Variants in NOS1AP observed in about 807,000 individuals in gnomAD.
NOS1AP encodes the protein nitric oxide synthase 1 adaptor protein, also known as carboxyl-terminal PDZ ligand of neuronal nitric oxide synthase protein.
NOS1AP carries 21 observed loss-of-function variants against 56.2 expected under a neutral mutation model. The ratio of observed to expected loss-of-function variants is 0.37; its 90% CI spans 0.26 to 0.54. The LOEUF (loss-of-function observed/expected upper bound fraction) is 0.54, where lower values mean the gene tolerates loss of function less well. Among genes scored for constraint, NOS1AP ranks in the 20% least tolerant of loss-of-function variants. The probability of loss-of-function intolerance (pLI) is 0.84; values close to 1 mark genes in which losing one functional copy is unlikely to be tolerated. For missense variants in NOS1AP, 522 were observed against 657.8 expected (o/e 0.79, Z 2.26); for synonymous variants, 270 against 274.6 (o/e 0.98, Z 0.17).
chr1:162,343,956 G>A lies in NOS1AP; in HGVS notation c.575G>A (p.Ser192Asn). The A allele has an allele frequency of 1.2e-6, 2 of 1,614,192 alleles. No homozygotes were observed. The highest frequency in any genetic ancestry group is 1.7e-6 in the Non-Finnish European group (2 of 1,180,032). ...GAAGATGGAGAGAGCGAGAGGAACA[G>A]CAACAGCTCAGGAGACCCAGGTAGG... ...GQEDGESERNSNSSGDPGRQL... is the reference protein window; with the variant it reads ...GQEDGESERNNNSSGDPGRQL... Residue 192 changes from serine (S) to asparagine (N), a missense_variant, in exon 6 of 10, where the codon AGC becomes AAC. This residue lies in a region of NOS1AP where 178 missense variants were observed against 165.0 expected (regional missense o/e 1.08). Coordinates refer to ENST00000361897, the MANE Select transcript of NOS1AP (RefSeq NM_014697.3).
At chr1:162,197,034 C>A (rs766802570) in intron 2 of NOS1AP, among the ~76,000 whole-genome samples, 2 of 152,168 alleles carry the variant, frequency 1.3e-5, no homozygotes, top group African/African-American at 2.4e-5. Context: ...TTTCTTCGCC[C>A]ATTCCATTGT....
At chr1:162,357,157 T>C in intron 8 of NOS1AP, 21 bp downstream of exon 8, 2 of 1,599,890 alleles carry the variant, frequency 1.3e-6, no homozygotes, top group Non-Finnish European at 8.5e-7. Flanking sequence ...GCCTCCTCCC[T>C]ACTTCGCAGG....
chr1:162,287,101 T>C (rs1234181723), intron 2 of NOS1AP, among the ~76,000 whole-genome samples: 1 of 152,160 alleles, frequency 6.6e-6, no homozygotes, highest in Non-Finnish European at 1.5e-5. Flanking sequence ...TATGTTTTCA[T>C]CTCATGAGGG....
intron 6 of NOS1AP, among the ~76,000 whole-genome samples, chr1:162,345,359 A>G (rs1657257621): frequency 7.8e-6 from 1 of 128,892 alleles, no homozygotes; most frequent in Non-Finnish European, 1.5e-5. Context: ...TCCTGTGTCC[A>G]TGTGATCTCA....
At chr1:162,148,193 C>T (rs1649562326) in intron 1 of NOS1AP, among the ~76,000 whole-genome samples, 1 of 152,214 alleles carries the variant, frequency 6.6e-6, no homozygotes, top group African/African-American at 2.4e-5. Flanking sequence ...GAATCCAGGA[C>T]TCAGGATGCT....
chr1:162,137,516 G>C (rs1649055521), intron 1 of NOS1AP, among the ~76,000 whole-genome samples: 1 of 152,122 alleles, frequency 6.6e-6, no homozygotes, highest in Non-Finnish European at 1.5e-5. Context: ...CCATGAAGCT[G>C]AGGCAGTCCA....
intron 1 of NOS1AP, among the ~76,000 whole-genome samples, chr1:162,078,524 C>T (rs1691821171): frequency 6.6e-6 from 1 of 152,084 alleles, no homozygotes; most frequent in African/African-American, 2.4e-5. Context: ...CCTGGCTGGT[C>T]CATCACCCGT....
chr1:162,201,743 G>A (rs1315974936), intron 2 of NOS1AP, among the ~76,000 whole-genome samples: 3 of 152,188 alleles, frequency 2.0e-5, no homozygotes, highest in East Asian at 3.8e-4. Flanking sequence ...CTGCATGTAT[G>A]TGTTCTTTTG....
intron 2 of NOS1AP, among the ~76,000 whole-genome samples, chr1:162,244,319 C>G (rs556868485): frequency 5.3e-5 from 8 of 152,294 alleles, no homozygotes; most frequent in Admixed American, 3.3e-4. Flanking sequence ...GAGACACATT[C>G]TCAAGGACTG....
intron 1 of NOS1AP, among the ~76,000 whole-genome samples, chr1:162,147,331 C>CAAAA (rs572205161): frequency 6.7e-5 from 5 of 74,858 alleles, no homozygotes; most frequent in African/African-American, 1.7e-4. Flanking sequence ...GACTCCGTCT[C>CAAAA]AAAAAAAAAA....
chr1:162,294,173 T>TAGGAAGGAAGGA lies in NOS1AP; in HGVS notation c.271-6449_271-6438dup, dbSNP rs1295442688. ...GAGGGGAAGAAGGAAGGAAGGCAGG[T>TAGGAAGGAAGGA]AGGAAGGAAGGAAGGAAGGAAGTAA... On this transcript the variant is annotated intron_variant, in intron 3 of 9. Coordinates refer to ENST00000361897, the MANE Select transcript of NOS1AP (RefSeq NM_014697.3). Among the ~76,000 whole-genome samples the TAGGAAGGAAGGA allele has an allele frequency of 4.0e-3, 338 of 84,764 alleles. 2 individuals carry two copies. The highest frequency in any genetic ancestry group is 5.6e-3 in the Non-Finnish European group (251 of 45,082). The allele number at this position is 84,764 out of a possible 152,430, so 55.6% of individuals were successfully genotyped here. A position where few individuals can be genotyped will look rare whatever the true frequency, so the allele number is the denominator to read the frequency against.
intron 1 of NOS1AP, among the ~76,000 whole-genome samples, chr1:162,128,636 G>A (rs776579055): frequency 7.9e-5 from 12 of 151,964 alleles, no homozygotes; most frequent in Non-Finnish European, 1.5e-4. Flanking sequence ...TTATTTAATA[G>A]AGGATAGATT....
chr1:162,264,308 A>C (rs1254500179), intron 2 of NOS1AP, among the ~76,000 whole-genome samples: 1 of 151,854 alleles, frequency 6.6e-6, no homozygotes, highest in Non-Finnish European at 1.5e-5. Context: ...GCTGATTTTC[A>C]GTTCCTTTGT....
intron 2 of NOS1AP, among the ~76,000 whole-genome samples, chr1:162,248,709 G>A (rs1045610234): frequency 5.9e-5 from 9 of 151,946 alleles, no homozygotes; most frequent in African/African-American, 1.2e-4. Context: ...GATGAGTGTC[G>A]GTCATTCTGT....
intron 2 of NOS1AP, among the ~76,000 whole-genome samples, chr1:162,190,826 T>A (rs1416736788): frequency 1.3e-5 from 2 of 152,152 alleles, no homozygotes; most frequent in African/African-American, 2.4e-5. Context: ...AATCAACTTT[T>A]TTTTAGCTTC....
At chr1:162,239,580 T>C (rs1653417462) in intron 2 of NOS1AP, among the ~76,000 whole-genome samples, 1 of 152,214 alleles carries the variant, frequency 6.6e-6, no homozygotes. Context: ...TAAGCAAATA[T>C]TCAGCAAGCC....
chr1:162,219,522 C>T (rs554316697), intron 2 of NOS1AP, among the ~76,000 whole-genome samples: 3 of 151,584 alleles, frequency 2.0e-5, no homozygotes, highest in Non-Finnish European at 2.9e-5. Flanking sequence ...CTTCTCTGAC[C>T]CCCTGCCACA....
At chr1:162,245,728 AT>A (rs1653641453) in intron 2 of NOS1AP, among the ~76,000 whole-genome samples, 1 of 152,240 alleles carries the variant, frequency 6.6e-6, no homozygotes, top group African/African-American at 2.4e-5. Flanking sequence ...AGAGAAAAGG[AT>A]CAGAACGAGA....
chr1:162,164,113 T>C (rs1317389148), intron 2 of NOS1AP, among the ~76,000 whole-genome samples: 2 of 152,220 alleles, frequency 1.3e-5, no homozygotes, highest in Admixed American at 6.5e-5. Context: ...TTATTGAGTT[T>C]CCACGGGAGG....
Sources: allele counts gnomAD v4.1 joint callset (sites outside exome capture counted in the v4.1 genomes callset), GRCh38; gene constraint gnomAD v4.1.1; regional missense constraint gnomAD v4.1.1; transcripts MANE v1.5; gene names NCBI Gene and HGNC (gene_info 2026-07-23, HGNC 2026-07-21).